The following SMG1 variants were observed in gnomAD, a reference collection of about 807,000 sequenced individuals.
The protein encoded by SMG1 is serine/threonine-protein kinase SMG1.
A neutral mutation model predicts 419.9 loss-of-function variants in SMG1; 22 were observed. The ratio of observed to expected loss-of-function variants is 0.05; its 90% CI spans 0.04 to 0.07. The LOEUF (loss-of-function observed/expected upper bound fraction) is 0.07. Ranked by LOEUF, SMG1 falls within the 10% of genes least tolerant of loss-of-function variation. The probability of loss-of-function intolerance (pLI) is 1.00; values close to 1 mark genes in which losing one functional copy is unlikely to be tolerated. For synonymous variants in SMG1, 1,538 were observed against 1,553.5 expected, an observed-to-expected ratio of 0.99 and a Z score of 0.23; for missense variants, 3,185 against 4,342.0, an observed-to-expected ratio of 0.73 and a Z score of 7.49.
At chr16:18,892,427 A>C in intron 3 of SMG1, 73 bp from the exon 4 acceptor site, 2 of 1,193,374 alleles carry the variant, frequency 1.7e-6, no homozygotes, top group South Asian at 3.1e-5. Flanking sequence ...TTTCAAATTA[A>C]AAATTATTTA....
intron 1 of SMG1, 198 bp downstream of exon 1, chr16:18,925,752 G>A (rs1181030228): frequency 3.0e-6 from 1 of 337,364 alleles, no homozygotes; most frequent in African/African-American, 2.3e-5. Context: ...GGCTGAACAA[G>A]CAGGGAGGGG....
At chr16:18,817,908 G>GT (rs1458719162) in intron 56 of SMG1, among the ~76,000 whole-genome samples, 1 of 151,702 alleles carries the variant, frequency 6.6e-6, no homozygotes, top group Non-Finnish European at 1.5e-5. Context: ...TAGTTTTTTT[G>GT]TTTTTTCCCT....
At position 18,817,280 on chromosome 16, in the gene SMG1, C is replaced by A. The variant is rs1178553381; in HGVS notation, c.10074+11G>T. On this transcript the variant is annotated intron_variant, in intron 57 of 62. Transcript: ENST00000446231. ...CCTTATTTAATCAAGTTTCTTTCCA[C>A]CAAGACTCACCACTCTCTGTAATAA... is the stretch of plus-strand genomic sequence containing the variant. 1 of 1,599,840 alleles carries A rather than the reference C, an allele frequency of 6.3e-7. No homozygotes were observed. The highest frequency in any genetic ancestry group is 1.3e-5 in the African/African-American group (1 of 74,082).
chr16:18,870,504 A>C (rs1390183138), intron 18 of SMG1, 106 bp downstream of exon 18: 1 of 681,710 alleles, frequency 1.5e-6, no homozygotes, highest in Non-Finnish European at 2.5e-6. Flanking sequence ...GCCATAAAAG[A>C]TGTGTCATTA....
chr16:18,870,657 T>C lies in SMG1; in HGVS notation c.2445A>G (p.Gln815=). 6.2e-7 allele frequency: 1 copy of C among 1,608,170 alleles called. No homozygotes were observed. Among genetic ancestry groups the C allele is most frequent in the Non-Finnish European group, 8.5e-7 (1 of 1,177,970 alleles). Reference sequence around the variant, plus strand: ...TTGATTTCAACAGTTTTCCAAATGCTTGTCGAATACGAGTTCCACTGTGCA... The same window carrying C: ...TTGATTTCAACAGTTTTCCAAATGCCTGTCGAATACGAGTTCCACTGTGCA... ...QLVHSGTRIR[Q]AFGKLLKSIP... The change falls in exon 18 of 63, where the codon CAA becomes CAG. Residue 815 remains glutamine, a synonymous_variant. Coordinates refer to ENST00000446231, the MANE Select transcript of SMG1 (RefSeq NM_015092.5).
intron 48 of SMG1, 149 bp from the exon 49 acceptor site, chr16:18,835,313 T>G: frequency 9.3e-6 from 8 of 857,076 alleles, no homozygotes; most frequent in Non-Finnish European, 1.4e-5. Flanking sequence ...CTTAAGCAAT[T>G]TCCTAAAAGG....
At chr16:18,813,107 G>C (rs972427131) in intron 60 of SMG1, among the ~76,000 whole-genome samples, 1 of 152,084 alleles carries the variant, frequency 6.6e-6, no homozygotes. Context: ...CTTTGCTATT[G>C]TGAGTAGTGC....
chr16:18,814,049 A>T (rs1248596565), intron 60 of SMG1, among the ~76,000 whole-genome samples: 30 of 142,660 alleles, frequency 2.1e-4, no homozygotes, highest in Non-Finnish European at 6.1e-5. Flanking sequence ...AAAAAAAATT[A>T]AATTAAATTA....
intron 29 of SMG1, among the ~76,000 whole-genome samples, chr16:18,855,121 T>C (rs1366887901): frequency 2.0e-5 from 3 of 152,210 alleles, no homozygotes; most frequent in Non-Finnish European, 4.4e-5. Context: ...AGTCAAGTCA[T>C]TCATTTCAAG....
chr16:18,841,652 T>A lies in SMG1; in HGVS notation c.6609A>T (p.Gly2203=), dbSNP rs755335119. The change falls in exon 41 of 63, where the codon GGA becomes GGT. Residue 2203 remains glycine (G), a synonymous_variant. Transcript: ENST00000446231. ...TGGCTCCATCTACCCACTGGATTAGTCCTGATCTTGTTCCTAGTGGTGTTA... is the reference window on the plus strand; with the variant it reads ...TGGCTCCATCTACCCACTGGATTAGACCTGATCTTGTTCCTAGTGGTGTTA... ...YSVTPLGTRS[G]LIQWVDGATP... 6.2e-7 allele frequency: 1 copy of A among 1,613,984 alleles called. No homozygotes were observed. Among genetic ancestry groups the A allele is most frequent in the South Asian group, 1.1e-5 (1 of 91,080 alleles).
In SMG1 at chr16:18,838,248, T is replaced by C; in HGVS notation, c.7195-16A>G. The C allele has an allele frequency of 6.2e-7, 1 of 1,608,192 alleles. No individual in the cohort carries two copies. Among genetic ancestry groups the C allele is most frequent in the Non-Finnish European group, 8.5e-7 (1 of 1,176,592 alleles). Reference sequence around the variant, plus strand: ...TGTGTAAAACCTGTTTTCAGGAGAGTTTTTAAAATAAGGTCTGCCACAAGT... The same window carrying C: ...TGTGTAAAACCTGTTTTCAGGAGAGCTTTTAAAATAAGGTCTGCCACAAGT... On this transcript the variant is annotated splice_polypyrimidine_tract_variant and intron_variant, in intron 44 of 62. Coordinates refer to ENST00000446231, the MANE Select transcript of SMG1 (RefSeq NM_015092.5).
At position 18,829,365 on chromosome 16, in the gene SMG1, A is replaced by G. The variant is rs1212348647; in HGVS notation, c.9524T>C (p.Leu3175Ser). The change falls in exon 54 of 63, where the codon TTG becomes TCG. Residue 3175 changes from leucine (L) to serine (S), a missense_variant. By Grantham distance (145) the Leu-to-Ser change is moderately radical (BLOSUM62 -2). Coordinates refer to ENST00000446231, the MANE Select transcript of SMG1 (RefSeq NM_015092.5). ...AATACTGGTTTCTAGCCTTCGCACCAAGTCATGCTTCTTCCAGGCAGTGTC... is the reference window on the plus strand; with the variant it reads ...AATACTGGTTTCTAGCCTTCGCACCGAGTCATGCTTCTTCCAGGCAGTGTC... ...SYDTAWKKHDLVRRLETSISS... is the reference protein window; with the variant it reads ...SYDTAWKKHDSVRRLETSISS... 1 of 1,614,024 alleles carries G rather than the reference A, an allele frequency of 6.2e-7. No homozygotes were observed. Among genetic ancestry groups the G allele is most frequent in the Admixed American group, 1.7e-5 (1 of 60,026 alleles).
chr16:18,913,778 T>C (rs562738029), intron 1 of SMG1, among the ~76,000 whole-genome samples: 1 of 149,146 alleles, frequency 6.7e-6, no homozygotes, highest in African/African-American at 2.5e-5. Flanking sequence ...AAAAGGGTAA[T>C]AAAAAAAAAA....
intron 23 of SMG1, 35 bp downstream of exon 23, chr16:18,866,586 T>C (rs748080283): frequency 1.9e-6 from 3 of 1,563,104 alleles, no homozygotes; most frequent in Non-Finnish European, 2.6e-6. Context: ...AAACATAAAG[T>C]AATTCTATCA....
At position 18,877,120 on chromosome 16, in the gene SMG1, G is replaced by A; in HGVS notation, c.1620+11C>T. 6.5e-7 allele frequency: 1 copy of A among 1,529,344 alleles called. No individual in the cohort carries two copies. Among genetic ancestry groups the A allele is most frequent in the South Asian group, 1.2e-5 (1 of 85,162 alleles). The allele number at this position is 1,529,344 out of a possible 1,614,324, so 94.7% of individuals were successfully genotyped here. ...CAAGTTGTCAAAATTCATTATCAATGTATTACTTACCTCTTTTTCTTTATG... is the reference window on the plus strand; with the variant it reads ...CAAGTTGTCAAAATTCATTATCAATATATTACTTACCTCTTTTTCTTTATG... On this transcript the variant is annotated intron_variant, in intron 12 of 62. Transcript: ENST00000446231.
chr16:18,855,017 C>T, intron 29 of SMG1, 113 bp from the exon 30 acceptor site: 1 of 950,728 alleles, frequency 1.1e-6, no homozygotes, highest in Non-Finnish European at 1.6e-6. Context: ...CCTCCTGAAA[C>T]AAAGATAACT....
chr16:18,917,976 A>G (rs146514427), intron 1 of SMG1, among the ~76,000 whole-genome samples: 229 of 151,198 alleles, frequency 1.5e-3, no homozygotes, highest in African/African-American at 5.2e-3. Context: ...ATACACTTGA[A>G]CTGGGCCAGG....
intron 23 of SMG1, among the ~76,000 whole-genome samples, chr16:18,865,331 G>A (rs1387175383): frequency 6.6e-6 from 1 of 152,126 alleles, no homozygotes; most frequent in Admixed American, 6.5e-5. Flanking sequence ...GTTTCTCAGT[G>A]ACTCTCAGTA....
rs1264630343 is a variant in SMG1 at position 18,885,605 on chromosome 16, T to C, written c.884A>G (p.Lys295Arg). ...CACCAAAAGAATGCACTTAACACAT[T>C]TACAAAGCAATTCTGGTGTATCCAC... ...ENVDTPELLC[K>R]CVKCILLVAR... The change falls in exon 7 of 63, where the codon AAA (lysine) becomes AGA (arginine). Residue 295 changes from lysine (K) to arginine (R), a missense_variant. Coordinates refer to ENST00000446231, the MANE Select transcript of SMG1 (RefSeq NM_015092.5). 1.8e-5 allele frequency: 28 copies of C among 1,595,896 alleles called. No individual in the cohort carries two copies. Among genetic ancestry groups the C allele is most frequent in the Non-Finnish European group, 1.8e-5 (21 of 1,179,522 alleles).
Sources: allele counts gnomAD v4.1 joint callset (sites outside exome capture counted in the v4.1 genomes callset), GRCh38; gene constraint gnomAD v4.1.1; transcripts MANE v1.5; gene names NCBI Gene and HGNC (gene_info 2026-07-23, HGNC 2026-07-21).